ZNF804A: variants seen among roughly 807,000 people sequenced by gnomAD.
The protein encoded by ZNF804A is zinc finger protein 804A.
ZNF804A carries 2 observed loss-of-function variants against 16.5 expected under a neutral mutation model. That is an observed-to-expected ratio of 0.12 (90% CI 0.05 to 0.38). The LOEUF (loss-of-function observed/expected upper bound fraction) is 0.38, where lower values mean the gene tolerates loss of function less well. Ranked by LOEUF, ZNF804A falls within the 10% of genes least tolerant of loss-of-function variation. The probability of loss-of-function intolerance (pLI) is 0.99; values close to 1 mark genes in which losing one functional copy is unlikely to be tolerated. For missense variants in ZNF804A, 1,473 were observed against 1,390.7 expected, an observed-to-expected ratio of 1.06 and a Z score of -0.94; for synonymous variants, 534 against 489.6, an observed-to-expected ratio of 1.09 and a Z score of -1.20.
chr2:184,880,772 G>A (rs1200599228), intron 2 of ZNF804A, among the ~76,000 whole-genome samples: 1 of 152,008 alleles, frequency 6.6e-6, no homozygotes, highest in African/African-American at 2.4e-5. Flanking sequence ...GTCATCCCAT[G>A]GTGGAAGGCA....
At chr2:184,650,211 T>G (rs1481656975) in intron 1 of ZNF804A, among the ~76,000 whole-genome samples, 1 of 152,000 alleles carries the variant, frequency 6.6e-6, no homozygotes, top group Admixed American at 6.6e-5. Flanking sequence ...CCAAAAGGCG[T>G]AAGATCATCT....
At chr2:184,892,058 G>A (rs1574259198) in intron 2 of ZNF804A, among the ~76,000 whole-genome samples, 2 of 152,160 alleles carry the variant, frequency 1.3e-5, no homozygotes, top group Admixed American at 1.3e-4. Flanking sequence ...TTCTTTATAC[G>A]TGGGTAACAT....
rs943675787 is a variant in ZNF804A, at chr2:184,935,926, C to A, written c.530C>A (p.Thr177Asn). The stretch of plus-strand genomic sequence containing the variant: ...ACTTTGATTCATAGTGAAGAGAATA[C>A]TAAAGATGCTACCACTGTTGCTGAA... ...KYTLIHSEEN[T>N]KDATTVAEDP... Residue 177 changes from threonine to asparagine, a missense_variant, in exon 4 of 4, where the codon ACT (threonine) becomes AAT (asparagine). Physicochemically the swap from Thr to Asn is moderately conservative, Grantham distance 65 (BLOSUM62 0). Coordinates refer to ENST00000302277, the MANE Select transcript of ZNF804A (RefSeq NM_194250.2). The A allele has an allele frequency of 6.2e-7, 1 of 1,613,854 alleles. No individual in the cohort carries two copies. Among genetic ancestry groups the A allele is most frequent in the South Asian group, 1.1e-5 (1 of 91,074 alleles).
chr2:184,653,832 A>T (rs1692030583), intron 1 of ZNF804A, among the ~76,000 whole-genome samples: 1 of 152,166 alleles, frequency 6.6e-6, no homozygotes, highest in African/African-American at 2.4e-5. Context: ...CATTGGCCCC[A>T]GTCCTGAGAT....
chr2:184,744,992 C>T (rs570615076), intron 1 of ZNF804A, among the ~76,000 whole-genome samples: 1 of 151,846 alleles, frequency 6.6e-6, no homozygotes, highest in East Asian at 1.9e-4. Context: ...ATTGTTTTTT[C>T]ACCATAGGCA....
Position 184,919,392 on chromosome 2 carries a change from G to T in ZNF804A, c.256-14211G>T, listed in dbSNP as rs146965642. 2.8e-3 allele frequency among the ~76,000 whole-genome samples: 430 copies of T among 152,294 alleles called. 4 individuals carry two copies. The highest frequency in any genetic ancestry group is 8.8e-3 in the African/African-American group (365 of 41,558). ...GCCATAGCCAGGTCAACCTTGGTGA[G>T]TGGAAGTCCACATTGCTGAGCCCAT... On this transcript the variant is annotated intron_variant, in intron 2 of 3. Coordinates refer to ENST00000302277, the MANE Select transcript of ZNF804A (RefSeq NM_194250.2).
At chr2:184,702,694 C>T (rs969200681) in intron 1 of ZNF804A, among the ~76,000 whole-genome samples, 8 of 151,968 alleles carry the variant, frequency 5.3e-5, no homozygotes, top group Non-Finnish European at 7.4e-5. Flanking sequence ...GTACATATGT[C>T]GTAAAGTATC....
At chr2:184,614,034 A>G (rs182973872) in intron 1 of ZNF804A, among the ~76,000 whole-genome samples, 20 of 152,310 alleles carry the variant, frequency 1.3e-4, no homozygotes, top group Admixed American at 1.2e-3. Flanking sequence ...ACTTCAAACT[A>G]TACTACAAGA....
intron 2 of ZNF804A, among the ~76,000 whole-genome samples, chr2:184,912,666 C>T (rs563779983): frequency 6.6e-6 from 1 of 152,008 alleles, no homozygotes; most frequent in Non-Finnish European, 1.5e-5. Flanking sequence ...GAAATGGTTT[C>T]TAATTGTGGC....
intron 2 of ZNF804A, among the ~76,000 whole-genome samples, chr2:184,879,057 C>G (rs990964038): frequency 1.3e-4 from 19 of 151,880 alleles, no homozygotes; most frequent in African/African-American, 4.6e-4. Context: ...CTTATGATAA[C>G]AAATTATGTC....
intron 1 of ZNF804A, among the ~76,000 whole-genome samples, chr2:184,626,961 A>G (rs555941132): frequency 6.6e-6 from 1 of 152,300 alleles, no homozygotes; most frequent in Admixed American, 6.5e-5. Flanking sequence ...AATTAATTGC[A>G]TACTTCTTTA....
At chr2:184,926,589 C>T (rs562784145) in intron 2 of ZNF804A, among the ~76,000 whole-genome samples, 5 of 151,926 alleles carry the variant, frequency 3.3e-5, no homozygotes, top group Admixed American at 1.3e-4. Flanking sequence ...TTTGGATAAA[C>T]CTTGTATCCC....
chr2:184,684,937 G>A (rs1248954625), intron 1 of ZNF804A, among the ~76,000 whole-genome samples: 1 of 152,074 alleles, frequency 6.6e-6, no homozygotes, highest in Non-Finnish European at 1.5e-5. Flanking sequence ...ATAGGTCATG[G>A]GATCTATGGT....
At chr2:184,701,776 C>T (rs368777137) in intron 1 of ZNF804A, among the ~76,000 whole-genome samples, 3 of 151,856 alleles carry the variant, frequency 2.0e-5, no homozygotes, top group African/African-American at 7.2e-5. Flanking sequence ...TGTAGAATTG[C>T]TAACCAGTAA....
intron 1 of ZNF804A, among the ~76,000 whole-genome samples, chr2:184,659,599 TCTC>T (rs1692135127): frequency 6.6e-6 from 1 of 151,996 alleles, no homozygotes; most frequent in African/African-American, 2.4e-5. Context: ...ACCCACAAAG[TCTC>T]ATATATACAT....
chr2:184,634,841 T>C (rs1349679326), intron 1 of ZNF804A, among the ~76,000 whole-genome samples: 1 of 152,192 alleles, frequency 6.6e-6, no homozygotes, highest in Non-Finnish European at 1.5e-5. Context: ...AATAGGAAAC[T>C]AATACAAACC....
chr2:184,601,218 A>T (rs1691039058), intron 1 of ZNF804A, among the ~76,000 whole-genome samples: 1 of 152,058 alleles, frequency 6.6e-6, no homozygotes, highest in Non-Finnish European at 1.5e-5. Flanking sequence ...CCTTCTCATG[A>T]GTATTATTAT....
At chr2:184,766,060 A>G (rs755832286) in intron 1 of ZNF804A, among the ~76,000 whole-genome samples, 21 of 152,154 alleles carry the variant, frequency 1.4e-4, no homozygotes, top group Non-Finnish European at 2.6e-4. Flanking sequence ...TAAAGAAAAA[A>G]TGGTTATTAA....
At chr2:184,920,098 G>C (rs537397923) in intron 2 of ZNF804A, among the ~76,000 whole-genome samples, 25 of 152,280 alleles carry the variant, frequency 1.6e-4, no homozygotes, top group African/African-American at 5.8e-4. Flanking sequence ...CTGGGAAACA[G>C]AGTGAGATTC....
Sources: allele counts gnomAD v4.1 joint callset (sites outside exome capture counted in the v4.1 genomes callset), GRCh38; gene constraint gnomAD v4.1.1; transcripts MANE v1.5; gene names NCBI Gene and HGNC (gene_info 2026-07-23, HGNC 2026-07-21).